Variants in CERS3 observed in about 807,000 individuals in gnomAD.
The protein encoded by CERS3 is LAG1 homolog, ceramide synthase 3.
In CERS3, 33 loss-of-function variants were observed where a neutral mutation model predicts 50.3. That is an observed-to-expected ratio of 0.66 (90% CI 0.50 to 0.88). The LOEUF (loss-of-function observed/expected upper bound fraction) is 0.88, where lower values mean the gene tolerates loss of function less well. Ranked by LOEUF, CERS3 falls within the 40% of genes least tolerant of loss-of-function variation. CERS3 has a pLI of 0.00. For synonymous variants in CERS3, 176 were observed against 155.2 expected, an observed-to-expected ratio of 1.13 and a Z score of -0.99; for missense variants, 470 against 460.3, an observed-to-expected ratio of 1.02 and a Z score of -0.19.
At chr15:100,483,282 A>G (rs1435519578) in intron 5 of CERS3, among the ~76,000 whole-genome samples, 1 of 152,134 alleles carries the variant, frequency 6.6e-6, no homozygotes, top group East Asian at 1.9e-4. Context: ...TGGCGCGACA[A>G]TAGATGTTGT....
intron 2 of CERS3, among the ~76,000 whole-genome samples, chr15:100,513,768 C>T (rs895788063): frequency 2.0e-5 from 3 of 152,058 alleles, no homozygotes; most frequent in Admixed American, 2.0e-4. Flanking sequence ...AACTCCTGGG[C>T]TCAAGCAATC....
chr15:100,534,725 T>G (rs1296724220), intron 1 of CERS3, among the ~76,000 whole-genome samples: 2 of 150,354 alleles, frequency 1.3e-5, no homozygotes, highest in African/African-American at 4.9e-5. Context: ...TCCCTTTAGC[T>G]TAGTGATTTT....
chr15:100,413,322 G>A (rs2031629316), intron 11 of CERS3, among the ~76,000 whole-genome samples: 1 of 152,110 alleles, frequency 6.6e-6, no homozygotes, highest in Admixed American at 6.6e-5. Flanking sequence ...ATCATAGCAA[G>A]ACAGAGGATT....
intron 11 of CERS3, among the ~76,000 whole-genome samples, chr15:100,404,609 A>C (rs1422692278): frequency 2.0e-5 from 3 of 152,234 alleles, no homozygotes; most frequent in African/African-American, 7.2e-5. Context: ...TTTTCTGTAG[A>C]TGCAGACAAT....
intron 11 of CERS3, among the ~76,000 whole-genome samples, chr15:100,431,745 C>T (rs1170754086): frequency 1.3e-5 from 2 of 152,132 alleles, no homozygotes; most frequent in Non-Finnish European, 2.9e-5. Context: ...TCAAAAATTC[C>T]AGTGTCTCGA....
At chr15:100,437,736 TC>T (rs2033486262) in intron 11 of CERS3, 1 of 152,210 alleles carries the variant, frequency 6.6e-6, no homozygotes, top group Non-Finnish European at 1.5e-5. Flanking sequence ...AAGGGCTTTA[TC>T]CTTCAATGCA....
intron 3 of CERS3, among the ~76,000 whole-genome samples, chr15:100,492,185 T>C (rs576797702): frequency 3.7e-4 from 56 of 152,350 alleles, no homozygotes; most frequent in African/African-American, 1.2e-3. Context: ...TGTTGTTGAG[T>C]AGAGTGTTCT....
chr15:100,410,782 C>T (rs1165100047), intron 11 of CERS3, among the ~76,000 whole-genome samples: 3 of 152,218 alleles, frequency 2.0e-5, no homozygotes, highest in African/African-American at 7.2e-5. Flanking sequence ...AGTGTCAAAG[C>T]ATTGTCTAAA....
chr15:100,477,649 A>G (rs1485036285), intron 7 of CERS3, among the ~76,000 whole-genome samples: 2 of 152,190 alleles, frequency 1.3e-5, no homozygotes, highest in African/African-American at 4.8e-5. Context: ...TCCTATACAT[A>G]TCATAAATTC....
At chr15:100,480,074 C>G (rs1224276496) in intron 5 of CERS3, 28 bp from the exon 6 acceptor site, 2 of 1,547,540 alleles carry the variant, frequency 1.3e-6, no homozygotes, top group East Asian at 2.2e-5. Context: ...AATCTTTACT[C>G]CCTTGTAAAG....
intron 1 of CERS3, among the ~76,000 whole-genome samples, chr15:100,525,813 T>G (rs1010836323): frequency 3.3e-5 from 5 of 152,258 alleles, no homozygotes; most frequent in Non-Finnish European, 7.3e-5. Flanking sequence ...TGGGCTTGAT[T>G]GTTGCACAGG....
intron 11 of CERS3, among the ~76,000 whole-genome samples, chr15:100,413,792 A>G (rs1304092633): frequency 6.7e-6 from 1 of 149,576 alleles, no homozygotes; most frequent in Non-Finnish European, 1.5e-5. Context: ...AAAAACCCTT[A>G]CAGACTATTA....
At chr15:100,428,239 A>G (rs1039068520) in intron 11 of CERS3, among the ~76,000 whole-genome samples, 2 of 152,226 alleles carry the variant, frequency 1.3e-5, no homozygotes, top group African/African-American at 4.8e-5. Context: ...TTAAATGCCA[A>G]TATTTCCATG....
At chr15:100,420,030 G>C (rs1234204945) in intron 11 of CERS3, among the ~76,000 whole-genome samples, 1 of 142,156 alleles carries the variant, frequency 7.0e-6, no homozygotes, top group Non-Finnish European at 1.5e-5. Context: ...AACTAGAAAA[G>C]CAAGAGCAAA....
chr15:100,449,263 G>A (rs951064354), intron 11 of CERS3, among the ~76,000 whole-genome samples: 7 of 152,216 alleles, frequency 4.6e-5, no homozygotes, highest in Non-Finnish European at 7.3e-5. Context: ...CAGGCCTGGG[G>A]ACTGGCCGTC....
At chr15:100,415,799 G>T (rs2031854106) in intron 11 of CERS3, among the ~76,000 whole-genome samples, 1 of 93,052 alleles carries the variant, frequency 1.1e-5, no homozygotes, top group African/African-American at 3.9e-5. Flanking sequence ...GGGGGGCAGG[G>T]AGTGAGGGAG....
chr15:100,427,027 A>C (rs2032851995), intron 11 of CERS3, among the ~76,000 whole-genome samples: 1 of 152,190 alleles, frequency 6.6e-6, no homozygotes, highest in Admixed American at 6.5e-5. Flanking sequence ...CTCTGTGGCC[A>C]GGCTCCAGAT....
intron 2 of CERS3, among the ~76,000 whole-genome samples, chr15:100,516,795 G>A (rs114368478): frequency 0.015 from 2,309 of 152,288 alleles, 61 homozygotes; most frequent in African/African-American, 0.053. Flanking sequence ...CCCAGGGACA[G>A]GTCCTGGAGA....
At chr15:100,450,823 C>G (rs1376458065) in intron 11 of CERS3, among the ~76,000 whole-genome samples, 1 of 152,006 alleles carries the variant, frequency 6.6e-6, no homozygotes, top group East Asian at 1.9e-4. Flanking sequence ...TGTCTAGTCA[C>G]CTGTAAGGGA....
Sources: gnomAD v4.1 joint callset for allele counts (sites outside exome capture counted in the v4.1 genomes callset) on GRCh38, gnomAD v4.1.1 for gene constraint, MANE v1.5 for transcripts, NCBI Gene and HGNC (gene_info 2026-07-23, HGNC 2026-07-21) for gene names.